Variants in CSMD2 observed in about 807,000 individuals in gnomAD.
CSMD2 encodes the protein CUB and sushi domain-containing protein 2.
A neutral mutation model predicts 398.5 loss-of-function variants in CSMD2; 130 were observed. That is an observed-to-expected ratio of 0.33 (90% CI 0.28 to 0.38). CSMD2 has a LOEUF of 0.38. Among genes scored for constraint, CSMD2 ranks in the 10% least tolerant of loss-of-function variants. The pLI, the probability that CSMD2 is intolerant of heterozygous loss-of-function variation, is 1.00. For synonymous variants in CSMD2, 1,828 were observed against 1,908.5 expected (o/e 0.96, Z 1.10); for missense variants, 3,829 against 4,764.9 (o/e 0.80, Z 5.78).
intron 13 of CSMD2, among the ~76,000 whole-genome samples, chr1:33,760,538 A>C (rs1345629507): frequency 6.6e-6 from 1 of 152,184 alleles, no homozygotes; most frequent in East Asian, 1.9e-4. Flanking sequence ...TCCTTCTAAA[A>C]ATTGGGGGTT....
chr1:33,773,783 C>T (rs771075852), intron 12 of CSMD2, among the ~76,000 whole-genome samples: 3 of 152,004 alleles, frequency 2.0e-5, no homozygotes, highest in East Asian at 3.9e-4. Context: ...GTATGAGTCC[C>T]GAGATTTGGG....
intron 5 of CSMD2, among the ~76,000 whole-genome samples, chr1:33,890,037 A>G (rs961418290): frequency 6.1e-5 from 4 of 66,014 alleles, no homozygotes; most frequent in Non-Finnish European, 1.1e-4. Context: ...AAACAAAGCC[A>G]TACCTATAAA....
intron 29 of CSMD2, among the ~76,000 whole-genome samples, chr1:33,639,765 G>A (rs530394442): frequency 2.6e-5 from 4 of 152,306 alleles, no homozygotes; most frequent in Admixed American, 2.0e-4. Context: ...AGAAAGATGA[G>A]CTCATCATCC....
intron 1 of CSMD2, among the ~76,000 whole-genome samples, chr1:34,120,639 G>C (rs1662084512): frequency 6.6e-6 from 1 of 152,170 alleles, no homozygotes. Flanking sequence ...CCGCCTCCCA[G>C]GTTCAAGCGA....
At chr1:33,726,199 T>A (rs1292709901) in intron 16 of CSMD2, among the ~76,000 whole-genome samples, 2 of 152,116 alleles carry the variant, frequency 1.3e-5, no homozygotes, top group Non-Finnish European at 2.9e-5. Flanking sequence ...CGTTGGACAT[T>A]TCCAGGAGAA....
At chr1:33,524,730 C>T in intron 66 of CSMD2, 152 bp downstream of exon 66, 1 of 682,292 alleles carries the variant, frequency 1.5e-6, no homozygotes, top group Non-Finnish European at 2.4e-6. Context: ...AGTGCTTTAT[C>T]ATGTAAAGAT....
intron 6 of CSMD2, among the ~76,000 whole-genome samples, chr1:33,834,091 A>C (rs2125045133): frequency 8.9e-6 from 1 of 112,688 alleles, no homozygotes; most frequent in Non-Finnish European, 1.7e-5. Flanking sequence ...TAATTTATAG[A>C]CTCAATGCCA....
Position 33,743,647 on chromosome 1 carries a change from C to G in CSMD2, c.1847-41G>C, listed in dbSNP as rs202045165. 21 of 1,429,284 alleles carry G rather than the reference C, an allele frequency of 1.5e-5. No homozygotes were observed. In the African/African-American group the frequency reaches 3.0e-4, roughly 20 times the overall value. 88.5% of individuals were successfully genotyped at this position (1,429,284 alleles called of 1,614,324 possible). ...AGTGGAGGTCAGTAAGCATCCCCAA[C>G]ATTCTGCCTGCACCACTGAGGGCTG... On this transcript the variant is annotated intron_variant, in intron 13 of 70. Transcript: ENST00000373381.
intron 4 of CSMD2, among the ~76,000 whole-genome samples, chr1:33,931,862 GT>G (rs923176609): frequency 4.6e-5 from 7 of 152,298 alleles, no homozygotes; most frequent in African/African-American, 1.7e-4. Context: ...CTCCCTAGCA[GT>G]ACAGGTAGGA....
chr1:33,844,442 T>C (rs138589541), intron 6 of CSMD2, among the ~76,000 whole-genome samples: 8 of 152,332 alleles, frequency 5.3e-5, no homozygotes, highest in East Asian at 3.9e-4. Flanking sequence ...ACAATGTCAA[T>C]AGCGCAGAGC....
intron 14 of CSMD2, among the ~76,000 whole-genome samples, chr1:33,739,580 A>C (rs1053869263): frequency 5.9e-5 from 9 of 152,244 alleles, no homozygotes; most frequent in Non-Finnish European, 1.3e-4. Flanking sequence ...TAGATCAGGC[A>C]ATAAGCTAAG....
intron 19 of CSMD2, among the ~76,000 whole-genome samples, chr1:33,721,668 A>T (rs1447240241): frequency 6.6e-6 from 1 of 152,088 alleles, no homozygotes; most frequent in Non-Finnish European, 1.5e-5. Flanking sequence ...CCTCACCCTG[A>T]CCACCTGGCT....
At chr1:33,623,222 C>T in intron 36 of CSMD2, 148 bp downstream of exon 36, 1 of 640,162 alleles carries the variant, frequency 1.6e-6, no homozygotes, top group Non-Finnish European at 2.7e-6. Context: ...TTTCGAATCT[C>T]CTGAAAACCA....
chr1:33,956,573 T>C (rs376317493), intron 3 of CSMD2, among the ~76,000 whole-genome samples: 2 of 152,250 alleles, frequency 1.3e-5, no homozygotes, highest in Admixed American at 6.5e-5. Flanking sequence ...GGAATCTCTA[T>C]CTACCCTCTT....
intron 12 of CSMD2, among the ~76,000 whole-genome samples, chr1:33,779,901 G>A (rs1178642454): frequency 6.6e-6 from 1 of 152,170 alleles, no homozygotes; most frequent in African/African-American, 2.4e-5. Flanking sequence ...AACTTTTGAG[G>A]CATGATGGGG....
intron 39 of CSMD2, 99 bp from the exon 40 acceptor site, chr1:33,614,719 CT>C: frequency 1.5e-6 from 1 of 675,470 alleles, no homozygotes; most frequent in South Asian, 1.8e-5. Flanking sequence ...AGTTTTTAAG[CT>C]TTCATGAGTC....
Position 33,935,881 on chromosome 1 carries a change from G to A in CSMD2, c.591C>T (p.Leu197=), listed in dbSNP as rs752748826. The part of the protein sequence containing the change: ...NGIQQGSTFN[L]GDKVRYSCNL... ...TGCAGCTGTAGCGGACCTTGTCACC[G>A]AGGTTGAAGGTTGAACCCTGCTGGA... is the stretch of plus-strand genomic sequence containing the variant. Residue 197 remains leucine, a synonymous_variant, in exon 4 of 71, where the codon CTC becomes CTT. Coordinates refer to ENST00000373381, the MANE Select transcript of CSMD2 (RefSeq NM_001281956.2). 1.9e-6 allele frequency: 3 copies of A among 1,614,204 alleles called. No homozygotes were observed. Among genetic ancestry groups the A allele is most frequent in the Non-Finnish European group, 1.7e-6 (2 of 1,179,998 alleles).
In CSMD2 at chr1:33,664,762, C is replaced by T. The variant is rs190099134; in HGVS notation, c.4053-1670G>A. 4.0e-5 allele frequency among the ~76,000 whole-genome samples: 6 copies of T among 151,788 alleles called. No homozygotes were observed. The East Asian group carries it at 1.2e-3, about 30-fold the overall frequency. ...AGCTTGCAGTGAGCCAAGATTGCAC[C>T]ACTGCACTCCAGCCTGGGCGACACA... On this transcript the variant is annotated intron_variant, in intron 25 of 70. Transcript: ENST00000373381.
intron 37 of CSMD2, among the ~76,000 whole-genome samples, chr1:33,619,994 A>C (rs1641661322): frequency 6.6e-6 from 1 of 152,234 alleles, no homozygotes; most frequent in Admixed American, 6.5e-5. Context: ...TGGAGAGAAG[A>C]GCAGAATGAG....
Sources: allele counts gnomAD v4.1 joint callset (sites outside exome capture counted in the v4.1 genomes callset), GRCh38; gene constraint gnomAD v4.1.1; transcripts MANE v1.5; gene names NCBI Gene and HGNC (gene_info 2026-07-23, HGNC 2026-07-21).